RAVER2: variants seen among roughly 807,000 people sequenced by gnomAD.
RAVER2 encodes the protein ribonucleoprotein PTB-binding 2.
In RAVER2, 46 loss-of-function variants were observed where a neutral mutation model predicts 78.1. The ratio of observed to expected loss-of-function variants is 0.59; its 90% confidence interval spans 0.46 to 0.75. The LOEUF is 0.75. Ranked by LOEUF, RAVER2 falls within the 30% of genes least tolerant of loss-of-function variation. RAVER2 has a pLI of 0.00. For missense variants in RAVER2, 793 were observed against 837.5 expected, an observed-to-expected ratio of 0.95 and a Z score of 0.66; for synonymous variants, 311 against 313.3, an observed-to-expected ratio of 0.99 and a Z score of 0.08.
At chr1:64,777,959 T>C (rs765769293) in exon 3 of RAVER2, 1 of 1,614,120 alleles carries the variant, frequency 6.2e-7, no homozygotes, top group Admixed American at 1.7e-5. Context: ...GCACAATGGA[T>C]GGATGTTAAT....
chr1:64,752,747 A>T (rs183130147), intron 1 of RAVER2, among the ~76,000 whole-genome samples: 1 of 152,176 alleles, frequency 6.6e-6, no homozygotes, highest in Non-Finnish European at 1.5e-5. Flanking sequence ...CCATCAATAC[A>T]TGATAGCCCC....
At chr1:64,781,888 C>G (rs1424955531) in intron 4 of RAVER2, among the ~76,000 whole-genome samples, 1 of 151,868 alleles carries the variant, frequency 6.6e-6, no homozygotes, top group Non-Finnish European at 1.5e-5. Context: ...AACATGCCTC[C>G]TTTTTCTTTT....
chr1:64,799,257 C>T (rs539366431), intron 5 of RAVER2, among the ~76,000 whole-genome samples: 1 of 152,274 alleles, frequency 6.6e-6, no homozygotes, highest in South Asian at 2.1e-4. Context: ...GACCAGCTTT[C>T]CTTTTTTCTT....
intron 5 of RAVER2, among the ~76,000 whole-genome samples, chr1:64,795,220 T>A (rs770430358): frequency 6.6e-6 from 1 of 152,174 alleles, no homozygotes; most frequent in Non-Finnish European, 1.5e-5. Flanking sequence ...AAAATATATG[T>A]GTTATAAATC....
intron 6 of RAVER2, 137 bp downstream of exon 6, chr1:64,803,198 T>C (rs1229616341): frequency 1.7e-6 from 1 of 587,062 alleles, no homozygotes; most frequent in East Asian, 3.1e-5. Flanking sequence ...AGTATAGGTA[T>C]GTAAAATCAT....
At chr1:64,774,534 T>C (rs940259585) in intron 2 of RAVER2, among the ~76,000 whole-genome samples, 1 of 152,196 alleles carries the variant, frequency 6.6e-6, no homozygotes, top group Non-Finnish European at 1.5e-5. Flanking sequence ...CATTGGTCTG[T>C]GTATCTGTTT....
At chr1:64,797,336 A>G (rs1317698442) in intron 5 of RAVER2, among the ~76,000 whole-genome samples, 1 of 152,198 alleles carries the variant, frequency 6.6e-6, no homozygotes, top group Non-Finnish European at 1.5e-5. Context: ...AGCCATAGCT[A>G]AGGGTAAGAG....
intron 1 of RAVER2, among the ~76,000 whole-genome samples, chr1:64,747,085 A>G (rs1651560298): frequency 6.6e-6 from 1 of 152,224 alleles, no homozygotes; most frequent in African/African-American, 2.4e-5. Flanking sequence ...TCCCTTCGCA[A>G]TAGACATGAA....
chr1:64,769,922 C>A (rs1230597113), intron 2 of RAVER2, among the ~76,000 whole-genome samples: 1 of 151,974 alleles, frequency 6.6e-6, no homozygotes, highest in Non-Finnish European at 1.5e-5. Context: ...AAATGGCATT[C>A]TAATGTATAT....
chr1:64,767,527 G>A (rs1400220446), intron 1 of RAVER2, among the ~76,000 whole-genome samples: 1 of 151,912 alleles, frequency 6.6e-6, no homozygotes, highest in Non-Finnish European at 1.5e-5. Context: ...ATTGAATTCA[G>A]CATTTTAGGT....
chr1:64,823,634 C>T (rs1294141383), intron 11 of RAVER2, among the ~76,000 whole-genome samples: 1 of 152,120 alleles, frequency 6.6e-6, no homozygotes, highest in Non-Finnish European at 1.5e-5. Context: ...ACACCTAAAT[C>T]TAACATCTAA....
At chr1:64,809,691 T>C (rs1182031742) in intron 9 of RAVER2, among the ~76,000 whole-genome samples, 2 of 151,282 alleles carry the variant, frequency 1.3e-5, no homozygotes, top group Non-Finnish European at 3.0e-5. Flanking sequence ...GCAGCATCAT[T>C]ACTCTCCATC....
chr1:64,765,329 A>G (rs1652146050), intron 1 of RAVER2, among the ~76,000 whole-genome samples: 1 of 152,206 alleles, frequency 6.6e-6, no homozygotes, highest in African/African-American at 2.4e-5. Context: ...TAAAAATTCA[A>G]ACAGTGAACA....
intron 3 of RAVER2, among the ~76,000 whole-genome samples, chr1:64,781,027 C>G (rs995786959): frequency 6.6e-6 from 1 of 152,090 alleles, no homozygotes; most frequent in African/African-American, 2.4e-5. Flanking sequence ...TGTCCATGTA[C>G]CTGGTGATTT....
rs571552413 is a variant in RAVER2 at position 64,813,019 on chromosome 1, G to C, written c.1792+170G>C. 3.9e-5 allele frequency among the ~76,000 whole-genome samples: 6 copies of C among 152,160 alleles called. No homozygotes were observed. In the East Asian group the frequency reaches 1.2e-3, roughly 29 times the overall value. ...ATTAAAACTAAGACACTCAAAATGCGTGCTATTTTATTTAAGGAAAACATT... is the reference window on the plus strand; with the variant it reads ...ATTAAAACTAAGACACTCAAAATGCCTGCTATTTTATTTAAGGAAAACATT... On this transcript the variant is annotated intron_variant, in intron 10 of 11. Transcript: ENST00000294428.
intron 1 of RAVER2, among the ~76,000 whole-genome samples, chr1:64,760,105 GA>G (rs112327247): frequency 0.011 from 1,338 of 122,336 alleles, 10 homozygotes; most frequent in Middle Eastern, 0.013. Context: ...TTGTGATGTG[GA>G]AAAAAAAAAA....
chr1:64,787,162 T>A (rs1652804802), intron 4 of RAVER2, among the ~76,000 whole-genome samples: 1 of 152,248 alleles, frequency 6.6e-6, no homozygotes, highest in Admixed American at 6.5e-5. Flanking sequence ...TATTTGACAT[T>A]CTTATTATTT....
rs750056582 is a variant in RAVER2 at position 64,814,790 on chromosome 1, G to A, written c.1879G>A (p.Ala627Thr). 26 of 1,587,868 alleles carry A rather than the reference G, an allele frequency of 1.6e-5. No individual in the cohort carries two copies. Among genetic ancestry groups the A allele is most frequent in the East Asian group, 1.4e-4 (6 of 43,532 alleles). Residue 627 changes from alanine to threonine, a missense_variant, in exon 11 of 12, where the codon GCA (alanine) becomes ACA (threonine). Transcript: ENST00000294428. ...CTCTCAGGGAAGTGAATCACAACAC[G>A]CATTGGAAAAGTGCATTGCTTATTC...
chr1:64,814,875 A>G, intron 11 of RAVER2, 35 bp downstream of exon 11: 1 of 1,463,446 alleles, frequency 6.8e-7, no homozygotes, highest in Non-Finnish European at 9.1e-7. Context: ...ATACTCAGAA[A>G]AATTGGTTCA....
Sources: gnomAD v4.1 joint callset for allele counts (sites outside exome capture counted in the v4.1 genomes callset) on GRCh38, gnomAD v4.1.1 for gene constraint, MANE v1.5 for transcripts, NCBI Gene and HGNC (gene_info 2026-07-23, HGNC 2026-07-21) for gene names.